The following RIOK3 variants were observed in gnomAD, a reference collection of about 807,000 sequenced individuals.
RIOK3 encodes RIO kinase 3.
A neutral mutation model predicts 63.5 loss-of-function variants in RIOK3; 40 were observed. That is an observed-to-expected ratio of 0.63 (90% CI 0.49 to 0.82). The LOEUF is 0.82. RIOK3 is among the 40% of genes least tolerant of loss of function. The probability of loss-of-function intolerance (pLI) is 0.00; values close to 1 mark genes in which losing one functional copy is unlikely to be tolerated. For missense variants in RIOK3, 557 were observed against 637.0 expected (o/e 0.87, Z 1.35); for synonymous variants, 193 against 205.0 (o/e 0.94, Z 0.50).
At chr18:23,480,551 G>GCACACACACACA (rs1362909473) in intron 12 of RIOK3, among the ~76,000 whole-genome samples, 12 of 46,876 alleles carry the variant, frequency 2.6e-4, no homozygotes, top group East Asian at 1.1e-3. Flanking sequence ...ATACTTGGAT[G>GCACACACACACA]CACGCACACA....
intron 11 of RIOK3, among the ~76,000 whole-genome samples, chr18:23,477,485 C>T (rs989354931): frequency 1.3e-5 from 2 of 152,076 alleles, no homozygotes; most frequent in African/African-American, 4.8e-5. Flanking sequence ...CAAGGGGTGC[C>T]AGGTATGGTG....
intron 9 of RIOK3, 34 bp downstream of exon 9, chr18:23,475,141 C>G: frequency 6.6e-7 from 1 of 1,524,780 alleles, no homozygotes; most frequent in Non-Finnish European, 8.9e-7. Context: ...TCACACACTA[C>G]CTTTAAAAAA....
chr18:23,479,840 G>A (rs1320776518), intron 12 of RIOK3, among the ~76,000 whole-genome samples: 3 of 152,190 alleles, frequency 2.0e-5, no homozygotes, highest in Non-Finnish European at 2.9e-5. Context: ...GCCTCCCAAA[G>A]TGCTGAGATT....
intron 6 of RIOK3, among the ~76,000 whole-genome samples, chr18:23,466,849 A>G (rs2057411970): frequency 6.6e-6 from 1 of 151,154 alleles, no homozygotes; most frequent in African/African-American, 2.4e-5. Flanking sequence ...AAAGTTTTAA[A>G]AAATTAGCCG....
intron 8 of RIOK3, 129 bp from the exon 9 acceptor site, chr18:23,474,819 G>A (rs539921895): frequency 5.6e-5 from 37 of 657,442 alleles, no homozygotes; most frequent in African/African-American, 4.4e-4. Context: ...TACTGTCTTT[G>A]TATTCCCACA....
intron 1 of RIOK3, among the ~76,000 whole-genome samples, chr18:23,458,063 G>GTT (rs201406755): frequency 0.01 from 1,424 of 137,728 alleles, 22 homozygotes; most frequent in African/African-American, 0.035. Context: ...CTGGCTAGTT[G>GTT]TTTTTTTTTT....
intron 8 of RIOK3, among the ~76,000 whole-genome samples, chr18:23,474,381 AT>A (rs2057475736): frequency 6.6e-6 from 1 of 152,130 alleles, no homozygotes; most frequent in Non-Finnish European, 1.5e-5. Context: ...AGAAAAAAAA[AT>A]GTTTTTTCAA....
chr18:23,463,618 A>C (rs983743972), intron 2 of RIOK3, among the ~76,000 whole-genome samples: 1 of 152,080 alleles, frequency 6.6e-6, no homozygotes. Context: ...CATGTTGGTC[A>C]GGTTGGTCTC....
intron 1 of RIOK3, among the ~76,000 whole-genome samples, chr18:23,455,828 T>G (rs2057337143): frequency 6.6e-6 from 1 of 151,258 alleles, no homozygotes; most frequent in Admixed American, 6.6e-5. Flanking sequence ...AGACGGAGCC[T>G]CGCTCTGTCA....
At chr18:23,474,557 A>C (rs2057476620) in intron 8 of RIOK3, among the ~76,000 whole-genome samples, 1 of 151,904 alleles carries the variant, frequency 6.6e-6, no homozygotes, top group Admixed American at 6.6e-5. Flanking sequence ...CCTTCCTCCT[A>C]CTCACAGATC....
At chr18:23,479,622 G>A (rs900857541) in intron 12 of RIOK3, among the ~76,000 whole-genome samples, 198 bp downstream of exon 12, 13 of 151,608 alleles carry the variant, frequency 8.6e-5, no homozygotes, top group African/African-American at 2.9e-4. Context: ...TGTCACTCAG[G>A]CTGGAATGCA....
At chr18:23,477,124 C>G (rs745857417) in intron 10 of RIOK3, 38 bp downstream of exon 10, 20 of 1,610,332 alleles carry the variant, frequency 1.2e-5, no homozygotes, top group Non-Finnish European at 1.7e-5. Context: ...GATTTAATTA[C>G]TGTAAGTAAA....
intron 4 of RIOK3, 71 bp from the exon 5 acceptor site, chr18:23,464,448 C>A: frequency 8.3e-7 from 1 of 1,203,092 alleles, no homozygotes; most frequent in Non-Finnish European, 1.2e-6. Flanking sequence ...AATGTCTTTT[C>A]AGACAACGTT....
In RIOK3 at chr18:23,453,312, G is replaced by T. The variant is rs557814762; in HGVS notation, c.-128G>T. 4.2e-5 allele frequency: 32 copies of T among 769,854 alleles called. No homozygotes were observed. The African/African-American group carries it at 5.0e-4, about 12-fold the overall frequency. The allele number at this position is 769,854 out of a possible 1,614,324, so 47.7% of individuals were successfully genotyped here. On this transcript the variant is annotated 5_prime_UTR_variant, in exon 1 of 13. Transcript: ENST00000339486. Reference sequence around the variant, plus strand: ...AGTTCCGGACGCGGCCGCCGCCGTCGCCGCCATCTGTCACCTCCACTCCGG... The same window carrying T: ...AGTTCCGGACGCGGCCGCCGCCGTCTCCGCCATCTGTCACCTCCACTCCGG...
At chr18:23,473,175 A>G (rs1057275973) in intron 7 of RIOK3, among the ~76,000 whole-genome samples, 2 of 152,236 alleles carry the variant, frequency 1.3e-5, no homozygotes, top group African/African-American at 4.8e-5. Context: ...TTGATTCCGT[A>G]GTCATTAAGT....
chr18:23,463,268 G>A, intron 2 of RIOK3, 189 bp downstream of exon 2: 1 of 466,184 alleles, frequency 2.1e-6, no homozygotes, highest in Non-Finnish European at 3.8e-6. Flanking sequence ...ACAAACCACT[G>A]TTTCTGTGGG....
chr18:23,460,558 T>A (rs1258686641), intron 1 of RIOK3, among the ~76,000 whole-genome samples: 1 of 152,208 alleles, frequency 6.6e-6, no homozygotes, highest in Non-Finnish European at 1.5e-5. Flanking sequence ...TCTATGTAAG[T>A]TATGTATATT....
In RIOK3 at chr18:23,479,388, C is replaced by T. The variant is rs750024481; in HGVS notation, c.1416C>T (p.Asn472=). 3.1e-6 allele frequency: 5 copies of T among 1,613,734 alleles called. No individual in the cohort carries two copies. The highest frequency in any genetic ancestry group is 4.5e-5 in the East Asian group (2 of 44,870). Reference sequence around the variant, plus strand: ...TCTTCAATGCTGTTTCAGGCTTAAACATCACAGCAGATAATGAAGCTGATT... The same window carrying T: ...TCTTCAATGCTGTTTCAGGCTTAAATATCACAGCAGATAATGAAGCTGATT... The part of the protein sequence containing the change: ...RELFNAVSGL[N]ITADNEADFL... Residue 472 remains asparagine, a synonymous_variant, in exon 12 of 13, where the codon AAC becomes AAT. Coordinates refer to ENST00000339486, the MANE Select transcript of RIOK3 (RefSeq NM_003831.5).
chr18:23,470,049 A>T (rs1404746975), intron 7 of RIOK3, among the ~76,000 whole-genome samples: 3 of 152,192 alleles, frequency 2.0e-5, no homozygotes, highest in African/African-American at 4.8e-5. Context: ...TGCCAGGCAC[A>T]TTCAGGGAAG....
Sources: gnomAD v4.1 joint callset for allele counts (sites outside exome capture counted in the v4.1 genomes callset) on GRCh38, gnomAD v4.1.1 for gene constraint, MANE v1.5 for transcripts, NCBI Gene and HGNC (gene_info 2026-07-23, HGNC 2026-07-21) for gene names.